The following NDRG3 variants were observed in gnomAD, a reference collection of about 807,000 sequenced individuals.
NDRG3 encodes NDRG family member 3, also known as protein NDRG3.
Under a neutral mutation model 57.2 loss-of-function variants are expected in NDRG3, and 23 were observed. The observed-to-expected ratio is 0.40, with a 90% CI of 0.29 to 0.57. The LOEUF (loss-of-function observed/expected upper bound fraction) is 0.57. NDRG3 is among the 20% of genes least tolerant of loss of function. The probability of loss-of-function intolerance (pLI) is 0.42; values close to 1 mark genes in which losing one functional copy is unlikely to be tolerated. For synonymous variants in NDRG3, 132 were observed against 162.6 expected (o/e 0.81, Z 1.43); for missense variants, 384 against 457.3 (o/e 0.84, Z 1.46).
At chr20:36,694,989 C>T (rs532077968) in intron 3 of NDRG3, among the ~76,000 whole-genome samples, 38 of 152,166 alleles carry the variant, frequency 2.5e-4, no homozygotes, top group African/African-American at 8.7e-4. Context: ...AGTCAGGGAC[C>T]CCAAACAGAG....
intron 2 of NDRG3, among the ~76,000 whole-genome samples, chr20:36,711,971 G>A (rs1983909225): frequency 6.6e-6 from 1 of 152,144 alleles, no homozygotes; most frequent in Non-Finnish European, 1.5e-5. Flanking sequence ...AGTAGAGACG[G>A]GGTTTCACCA....
intron 12 of NDRG3, among the ~76,000 whole-genome samples, 186 bp downstream of exon 12, chr20:36,664,860 A>T (rs956643231): frequency 5.3e-5 from 8 of 152,022 alleles, no homozygotes; most frequent in East Asian, 3.9e-4. Context: ...TAATTAAAAA[A>T]ATATATATTG....
At position 36,733,146 on chromosome 20, in the gene NDRG3, CAAAAAA is replaced by C. The variant is rs141850127; in HGVS notation, c.-48-11369_-48-11364del. ...TGGGTGACGGAACACGATCCTGTCT[CAAAAAA>C]AAAAAAAAAAAAAAAAAAAATATAT... On this transcript the variant is annotated intron_variant, in intron 1 of 15. Coordinates refer to ENST00000349004, the MANE Select transcript of NDRG3 (RefSeq NM_032013.4). Among the ~76,000 whole-genome samples, 268 of 38,548 alleles carry C rather than the reference CAAAAAA, an allele frequency of 7.0e-3. 2 individuals carry two copies. The highest frequency in any genetic ancestry group is 0.011 in the Non-Finnish European group (224 of 21,296). 25.3% of individuals were successfully genotyped at this position (38,548 alleles called of 152,430 possible).
In NDRG3 at chr20:36,699,655, T is replaced by C. The variant is rs148267598; in HGVS notation, c.93+7317A>G. 9.7e-4 allele frequency among the ~76,000 whole-genome samples: 148 copies of C among 151,930 alleles called. 3 individuals are homozygous for C. The East Asian group carries it at 0.028, about 29-fold the overall frequency. The stretch of plus-strand genomic sequence containing the variant: ...ATAGCAGGACCTTGCCAAGGCCCGG[T>C]AACTGATGGTAACTGGTGGTGGTGG... On this transcript the variant is annotated intron_variant, in intron 3 of 15. Coordinates refer to ENST00000349004, the MANE Select transcript of NDRG3 (RefSeq NM_032013.4).
intron 13 of NDRG3, among the ~76,000 whole-genome samples, chr20:36,659,932 G>T (rs754066438): frequency 1.3e-5 from 2 of 151,498 alleles, no homozygotes; most frequent in African/African-American, 4.8e-5. Flanking sequence ...ATGAAGGCTG[G>T]GTGCGGTGGC....
chr20:36,671,141 T>C (rs1228785458), intron 9 of NDRG3, among the ~76,000 whole-genome samples, 200 bp downstream of exon 9: 1 of 152,216 alleles, frequency 6.6e-6, no homozygotes, highest in African/African-American at 2.4e-5. Context: ...CTGTCTTCTC[T>C]CATAGCTCCA....
At chr20:36,707,100 G>T in intron 2 of NDRG3, 93 bp from the exon 3 acceptor site, 2 of 1,152,762 alleles carry the variant, frequency 1.7e-6, no homozygotes, top group Non-Finnish European at 1.3e-6. Context: ...CAGTGCATGT[G>T]CAGCCTCTTG....
At chr20:36,708,806 A>C (rs1472627281) in intron 2 of NDRG3, among the ~76,000 whole-genome samples, 1 of 152,142 alleles carries the variant, frequency 6.6e-6, no homozygotes, top group Non-Finnish European at 1.5e-5. Flanking sequence ...TGGGAGGCCA[A>C]GGCGGGCGGA....
intron 12 of NDRG3, among the ~76,000 whole-genome samples, chr20:36,663,203 A>C (rs1407155098): frequency 6.6e-6 from 1 of 152,190 alleles, no homozygotes; most frequent in African/African-American, 2.4e-5. Flanking sequence ...CTCTATGTGC[A>C]AGTCATGCCA....
chr20:36,733,297 C>G (rs531522428), intron 1 of NDRG3, among the ~76,000 whole-genome samples: 2 of 149,812 alleles, frequency 1.3e-5, no homozygotes, highest in African/African-American at 2.4e-5. Flanking sequence ...TGTTTTACAG[C>G]TTTTTCCCAT....
At chr20:36,723,659 A>AATGTGTGTGT (rs74173994) in intron 1 of NDRG3, among the ~76,000 whole-genome samples, 27 of 132,934 alleles carry the variant, frequency 2.0e-4, no homozygotes, top group African/African-American at 7.7e-4. Flanking sequence ...ATATTAGTCT[A>AATGTGTGTGT]GTGTGTGTGT....
intron 13 of NDRG3, among the ~76,000 whole-genome samples, chr20:36,657,511 T>G (rs377211299): frequency 6.6e-5 from 10 of 151,632 alleles, no homozygotes; most frequent in African/African-American, 2.2e-4. Context: ...GGAACGTACA[T>G]TTCTAATAAG....
intron 3 of NDRG3, among the ~76,000 whole-genome samples, chr20:36,696,190 C>CA (rs1982772466): frequency 6.6e-6 from 1 of 151,666 alleles, no homozygotes; most frequent in Non-Finnish European, 1.5e-5. Context: ...TCTGCCTCCC[C>CA]AGTTCAAGTG....
At chr20:36,700,565 G>A (rs1983157665) in intron 3 of NDRG3, 4 of 504,236 alleles carry the variant, frequency 7.9e-6, no homozygotes, top group Non-Finnish European at 1.6e-5. Flanking sequence ...ACTGCAGGGA[G>A]TAACGTGCTG....
chr20:36,682,039 C>A (rs950859767), intron 7 of NDRG3, among the ~76,000 whole-genome samples: 1 of 151,992 alleles, frequency 6.6e-6, no homozygotes, highest in South Asian at 2.1e-4. Context: ...ATTATATTCA[C>A]GATAGAAAAT....
chr20:36,662,691 T>C (rs538382064), intron 12 of NDRG3, among the ~76,000 whole-genome samples: 1 of 152,338 alleles, frequency 6.6e-6, no homozygotes, highest in East Asian at 1.9e-4. Flanking sequence ...CTTCCATGCG[T>C]GGATATTCCT....
chr20:36,662,219 TTTTTC>T (rs756913914), intron 12 of NDRG3, among the ~76,000 whole-genome samples: 15 of 151,658 alleles, frequency 9.9e-5, no homozygotes, highest in Non-Finnish European at 2.1e-4. Context: ...CAATCACTGT[TTTTTC>T]TTTTTCTTTT....
chr20:36,739,950 GA>G (rs1352116675), intron 1 of NDRG3, among the ~76,000 whole-genome samples: 1 of 133,806 alleles, frequency 7.5e-6, no homozygotes, highest in African/African-American at 2.8e-5. Flanking sequence ...CCTTACAATA[GA>G]AAAACCTAAT....
At chr20:36,702,764 C>A (rs1415592049) in intron 3 of NDRG3, among the ~76,000 whole-genome samples, 1 of 151,870 alleles carries the variant, frequency 6.6e-6, no homozygotes, top group Non-Finnish European at 1.5e-5. Context: ...TCTCGGCTCA[C>A]CTCAACCTCC....
Sources: allele counts gnomAD v4.1 joint callset (sites outside exome capture counted in the v4.1 genomes callset), GRCh38; gene constraint gnomAD v4.1.1; transcripts MANE v1.5; gene names NCBI Gene and HGNC (gene_info 2026-07-23, HGNC 2026-07-21).